RSPO2: variants seen among roughly 807,000 people sequenced by gnomAD.
RSPO2 encodes R-spondin 2.
A neutral mutation model predicts 30.9 loss-of-function variants in RSPO2; 14 were observed. The observed-to-expected ratio is 0.45, with a 90% CI of 0.30 to 0.71. The LOEUF is 0.71. Among genes scored for constraint, RSPO2 ranks in the 30% least tolerant of loss-of-function variants. The pLI is 0.08. For missense variants in RSPO2, 264 were observed against 301.9 expected (o/e 0.87, Z 0.93); for synonymous variants, 107 against 96.4 (o/e 1.11, Z -0.64).
At chr8:107,997,707 A>G in intron 2 of RSPO2, among the ~76,000 whole-genome samples, 1 of 152,206 alleles carries the variant, frequency 6.6e-6, no homozygotes, top group South Asian at 2.1e-4. Context: ...CAGCATAGGT[A>G]TTACTCTTTA....
At chr8:108,081,911 G>C in intron 2 of RSPO2, 1 of 985,376 alleles carries the variant, frequency 1.0e-6, no homozygotes, top group African/African-American at 1.7e-5. Flanking sequence ...GGGAATTGCT[G>C]CTTAATTCAG....
In RSPO2 at chr8:107,908,027, A is replaced by G. The variant is rs189803805; in HGVS notation, c.617-6837T>C. Among the ~76,000 whole-genome samples the G allele has an allele frequency of 2.7e-3, 417 of 152,276 alleles. 2 individuals carry two copies. Among genetic ancestry groups the G allele is most frequent in the South Asian group, 0.021 (103 of 4,832 alleles). The stretch of plus-strand genomic sequence containing the variant: ...AACCCTGAAGATCACCTGAACCTTT[A>G]CAAATGAACTGTATTCAGAAAAGCT... On this transcript the variant is annotated intron_variant, in intron 5 of 5. Transcript: ENST00000276659.
chr8:108,029,041 T>C (rs1451213786), intron 2 of RSPO2, among the ~76,000 whole-genome samples: 1 of 139,114 alleles, frequency 7.2e-6, no homozygotes, highest in Non-Finnish European at 1.5e-5. Flanking sequence ...CTTGGGTAAC[T>C]GTTAACATGA....
intron 3 of RSPO2, among the ~76,000 whole-genome samples, chr8:107,970,734 C>T (rs1299515795): frequency 1.3e-5 from 2 of 152,164 alleles, no homozygotes; most frequent in African/African-American, 4.8e-5. Flanking sequence ...TAATTTCTTG[C>T]TTGCTGTGGC....
At chr8:107,989,442 G>T in intron 2 of RSPO2, 198 bp from the exon 3 acceptor site, 1 of 503,024 alleles carries the variant, frequency 2.0e-6, no homozygotes, top group East Asian at 3.5e-5. Context: ...TAGAAACAAA[G>T]AGGAAACTCA....
chr8:108,011,282 A>AT (rs570463146), intron 2 of RSPO2, among the ~76,000 whole-genome samples: 46 of 152,216 alleles, frequency 3.0e-4, no homozygotes, highest in South Asian at 1.0e-3. Flanking sequence ...TTGTGCCCAT[A>AT]GGTATGGTCT....
intron 5 of RSPO2, among the ~76,000 whole-genome samples, chr8:107,914,473 AAAT>A (rs920149526): frequency 6.6e-6 from 1 of 152,106 alleles, no homozygotes; most frequent in African/African-American, 2.4e-5. Context: ...AAAAAAAAAA[AAAT>A]ACCTTTTAAC....
chr8:108,054,071 T>C (rs1233481963), intron 2 of RSPO2, among the ~76,000 whole-genome samples: 1 of 152,162 alleles, frequency 6.6e-6, no homozygotes, highest in African/African-American at 2.4e-5. Context: ...GAAAAAATTA[T>C]TTATTGGATA....
At chr8:107,917,523 G>T (rs1285513783) in intron 5 of RSPO2, among the ~76,000 whole-genome samples, 1 of 152,102 alleles carries the variant, frequency 6.6e-6, no homozygotes, top group Admixed American at 6.6e-5. Flanking sequence ...CCTATTTTGT[G>T]ATATCCAGTG....
chr8:108,078,083 C>T (rs1247136673), intron 2 of RSPO2, among the ~76,000 whole-genome samples: 1 of 152,128 alleles, frequency 6.6e-6, no homozygotes, highest in Non-Finnish European at 1.5e-5. Context: ...CATTAGGGAA[C>T]TAGAAGTGTC....
intron 5 of RSPO2, among the ~76,000 whole-genome samples, chr8:107,930,754 A>C (rs1455493993): frequency 6.6e-6 from 1 of 152,178 alleles, no homozygotes; most frequent in Non-Finnish European, 1.5e-5. Flanking sequence ...GAGAAACTGG[A>C]TTATTGTCAG....
intron 2 of RSPO2, among the ~76,000 whole-genome samples, chr8:108,064,439 C>T (rs1442465429): frequency 2.6e-5 from 4 of 152,146 alleles, no homozygotes; most frequent in Non-Finnish European, 4.4e-5. Context: ...TCATCACTGG[C>T]CATCAGAGAA....
chr8:108,032,644 T>C (rs1033433185), intron 2 of RSPO2, among the ~76,000 whole-genome samples: 4 of 152,068 alleles, frequency 2.6e-5, no homozygotes, highest in Non-Finnish European at 5.9e-5. Flanking sequence ...TTTTTCCTTT[T>C]TTAAGAGGTA....
At chr8:108,042,146 A>G (rs967446490) in intron 2 of RSPO2, among the ~76,000 whole-genome samples, 1 of 152,118 alleles carries the variant, frequency 6.6e-6, no homozygotes, top group African/African-American at 2.4e-5. Flanking sequence ...TCGTCAGGTA[A>G]TTGAGAAGAA....
chr8:108,052,104 T>C, intron 2 of RSPO2, among the ~76,000 whole-genome samples: 1 of 152,220 alleles, frequency 6.6e-6, no homozygotes, highest in Non-Finnish European at 1.5e-5. Context: ...AACCTACTTA[T>C]ATCAAGCTAG....
chr8:108,065,031 A>G (rs2130712728), intron 2 of RSPO2, among the ~76,000 whole-genome samples: 1 of 151,964 alleles, frequency 6.6e-6, no homozygotes, highest in Middle Eastern at 3.4e-3. Flanking sequence ...TGGGGTGGGG[A>G]GAAGGGGGAG....
At chr8:107,929,899 AT>A (rs1812499245) in intron 5 of RSPO2, among the ~76,000 whole-genome samples, 2 of 152,162 alleles carry the variant, frequency 1.3e-5, no homozygotes, top group Non-Finnish European at 2.9e-5. Context: ...GCCAGACTGG[AT>A]TACCTCACCC....
chr8:107,909,375 GC>G (rs1811752088), intron 5 of RSPO2, among the ~76,000 whole-genome samples: 1 of 148,334 alleles, frequency 6.7e-6, no homozygotes, highest in African/African-American at 2.5e-5. Flanking sequence ...CGATTCTCCT[GC>G]CTCAGCCTCC....
intron 5 of RSPO2, among the ~76,000 whole-genome samples, chr8:107,957,117 G>A (rs1758806008): frequency 6.6e-6 from 1 of 152,182 alleles, no homozygotes; most frequent in Non-Finnish European, 1.5e-5. Flanking sequence ...CATTCTCTAT[G>A]AGGCAGCATA....
Sources: allele counts gnomAD v4.1 joint callset (sites outside exome capture counted in the v4.1 genomes callset), GRCh38; gene constraint gnomAD v4.1.1; transcripts MANE v1.5; gene names NCBI Gene and HGNC (gene_info 2026-07-23, HGNC 2026-07-21).